The following A2ML1 variants were observed in gnomAD, a reference collection of about 807,000 sequenced individuals.
The protein encoded by A2ML1 is alpha-2-macroglobulin-like protein 1.
A neutral mutation model predicts 181.9 loss-of-function variants in A2ML1; 161 were observed. The ratio of observed to expected loss-of-function variants is 0.89; its 90% CI spans 0.78 to 1.01. A2ML1 has a LOEUF of 1.01. Ranked by LOEUF, A2ML1 falls within the 50% of genes least tolerant of loss-of-function variation. The pLI is 0.00. For synonymous variants in A2ML1, 663 were observed against 666.8 expected (o/e 0.99, Z 0.09); for missense variants, 1,670 against 1,768.1 (o/e 0.94, Z 1.00).
At chr12:8,877,187 A>T (rs1423206820), downstream of A2ML1, among the ~76,000 whole-genome samples, 1 of 152,250 alleles carries the variant, frequency 6.6e-6, no homozygotes, top group Non-Finnish European at 1.5e-5. Flanking sequence ...GGGAAGTAAG[A>T]TGAATGATAT....
chr12:8,829,087 G>A (rs192198000), intron 3 of A2ML1, among the ~76,000 whole-genome samples: 2 of 152,310 alleles, frequency 1.3e-5, no homozygotes, highest in Admixed American at 1.3e-4. Context: ...GCCTCTTTCA[G>A]TGATATAAAG....
intron 26 of A2ML1, among the ~76,000 whole-genome samples, chr12:8,859,615 C>T (rs1028733715): frequency 3.3e-5 from 5 of 151,904 alleles, no homozygotes; most frequent in African/African-American, 1.2e-4. Flanking sequence ...CTCTGTTGTA[C>T]AGGCTGGAGT....
At chr12:8,886,685 A>G (rs1482773217) in exon 8 of A2ML1, 1 of 152,190 alleles carries the variant, frequency 6.6e-6, no homozygotes, top group Non-Finnish European at 1.5e-5. Flanking sequence ...ACTTTTGCCC[A>G]TAGTGGCCTA....
chr12:8,836,440 G>A, intron 7 of A2ML1, 101 bp downstream of exon 7: 1 of 930,548 alleles, frequency 1.1e-6, no homozygotes, highest in Admixed American at 2.3e-5. Context: ...GCCAAAACTT[G>A]GGGCATTTTA....
rs977511717 is a variant in A2ML1, at chr12:8,829,787, G to A, written c.462+8G>A. 2.5e-6 allele frequency: 4 copies of A among 1,613,962 alleles called. No individual in the cohort carries two copies. In the African/African-American group the frequency reaches 5.3e-5, roughly 22 times the overall value. On this transcript the variant is annotated splice_region_variant and intron_variant, in intron 4 of 35. Transcript: ENST00000299698. ...GTTCCAGTGAATGACAAGGTGAGTT[G>A]GGAGGAGGAGAAGGAGTGGCGCAGG...
intron 10 of A2ML1, among the ~76,000 whole-genome samples, chr12:8,839,762 G>C (rs1943404990): frequency 6.6e-6 from 1 of 151,958 alleles, no homozygotes; most frequent in Non-Finnish European, 1.5e-5. Flanking sequence ...GTTTTGTTTT[G>C]TTTTGAGACA....
At chr12:8,842,970 ATTC>A (rs1323429317) in intron 11 of A2ML1, among the ~76,000 whole-genome samples, 161 bp from the exon 12 acceptor site, 7 of 152,108 alleles carry the variant, frequency 4.6e-5, no homozygotes, top group African/African-American at 9.7e-5. Context: ...ACGTTTATGG[ATTC>A]TTTATCCATC....
intron 3 of A2ML1, among the ~76,000 whole-genome samples, chr12:8,829,241 C>T (rs182063891): frequency 4.3e-4 from 65 of 152,298 alleles, no homozygotes; most frequent in Non-Finnish European, 7.6e-4. Context: ...CTTGCTCTGC[C>T]TCCTGAGCTC....
Position 8,858,094 on chromosome 12 carries a change from G to C in A2ML1, c.3256G>C (p.Ala1086Pro). Residue 1086 changes from alanine to proline, a missense_variant, in exon 26 of 36, where the codon GCT (alanine) becomes CCT (proline). Transcript: ENST00000299698. ...CAACGTGGGAAATCTCCTTCACACAGCTATGAAGGTGCGGATCTGTCCAGG... is the reference window on the plus strand; with the variant it reads ...CAACGTGGGAAATCTCCTTCACACACCTATGAAGGTGCGGATCTGTCCAGG... ...YANVGNLLHTAMKGGVDDEVS... is the reference protein window; with the variant it reads ...YANVGNLLHTPMKGGVDDEVS... The C allele has an allele frequency of 6.2e-7, 1 of 1,614,062 alleles. No individual in the cohort carries two copies. Among genetic ancestry groups the C allele is most frequent in the Non-Finnish European group, 8.5e-7 (1 of 1,179,980 alleles).
chr12:8,845,297 T>C (rs1943630224), intron 12 of A2ML1, 145 bp from the exon 13 acceptor site: 1 of 1,417,546 alleles, frequency 7.1e-7, no homozygotes, highest in Admixed American at 1.9e-5. Flanking sequence ...GTCAAGCTAG[T>C]GGATGCTGGG....
At chr12:8,845,063 A>G in intron 12 of A2ML1, 1 of 1,434,536 alleles carries the variant, frequency 7.0e-7, no homozygotes, top group Non-Finnish European at 9.1e-7. Context: ...TTTTAAATTG[A>G]GCTGTAATTA....
At chr12:8,822,904 A>G (rs1942789867) in intron 1 of A2ML1, among the ~76,000 whole-genome samples, 191 bp downstream of exon 1, 1 of 152,218 alleles carries the variant, frequency 6.6e-6, no homozygotes, top group Admixed American at 6.5e-5. Context: ...AGCTTTAAAA[A>G]AGATAAATAT....
chr12:8,826,868 C>A (rs1043054702), intron 3 of A2ML1, among the ~76,000 whole-genome samples: 1 of 152,190 alleles, frequency 6.6e-6, no homozygotes, highest in Non-Finnish European at 1.5e-5. Context: ...ATCCTCCCCA[C>A]TCAGCCTCCC....
rs749052346 is a variant in A2ML1 at position 8,847,594 on chromosome 12, G to A, written c.1729G>A (p.Val577Met). ...CTCCCAGCAGCTTCCAGGAGCAGAA[G>A]TGGAGCTGCAGCTGCAGGCAGCTCC... ...SPSQQLPGAE[V>M]ELQLQAAPGS... is the part of the protein sequence containing the mutation. The change falls in exon 15 of 36, where the codon GTG becomes ATG. Residue 577 changes from valine (V) to methionine (M), a missense_variant. Physicochemically the swap from Val to Met is conservative, Grantham distance 21. Transcript: ENST00000299698. The A allele has an allele frequency of 2.5e-6, 4 of 1,613,522 alleles. No individual in the cohort carries two copies. Among genetic ancestry groups the A allele is most frequent in the Non-Finnish European group, 3.4e-6 (4 of 1,179,760 alleles).
intron 12 of A2ML1, among the ~76,000 whole-genome samples, chr12:8,844,589 G>T (rs748958864): frequency 2.0e-5 from 3 of 152,164 alleles, no homozygotes; most frequent in Admixed American, 6.5e-5. Context: ...GAAACCTCAG[G>T]TTTGATGGCT....
intron 33 of A2ML1, 55 bp downstream of exon 33, chr12:8,869,258 T>A: frequency 6.4e-7 from 1 of 1,562,156 alleles, no homozygotes; most frequent in Non-Finnish European, 8.8e-7. Context: ...TCTTCATGAC[T>A]TCCCTTCTAA....
At chr12:8,823,666 G>GA in intron 2 of A2ML1, 54 bp from the exon 3 acceptor site, 2 of 1,575,480 alleles carry the variant, frequency 1.3e-6, no homozygotes, top group Non-Finnish European at 1.7e-6. Context: ...GAGACCAGTT[G>GA]ATTCTGTTCC....
chr12:8,867,660 AG>A (rs1185198116), intron 29 of A2ML1, among the ~76,000 whole-genome samples, 181 bp from the exon 30 acceptor site: 72 of 151,454 alleles, frequency 4.8e-4, no homozygotes, highest in African/African-American at 1.7e-3. Flanking sequence ...AAAAAAAAAA[AG>A]CAAGCTACTG....
chr12:8,842,443 T>A (rs7974976), intron 11 of A2ML1, among the ~76,000 whole-genome samples: 3 of 151,764 alleles, frequency 2.0e-5, no homozygotes, highest in Admixed American at 6.6e-5. Context: ...ATGGTCTCGA[T>A]CTCCTGACCT....
Sources: allele counts gnomAD v4.1 joint callset (sites outside exome capture counted in the v4.1 genomes callset), GRCh38; gene constraint gnomAD v4.1.1; transcripts MANE v1.5; gene names NCBI Gene and HGNC (gene_info 2026-07-23, HGNC 2026-07-21).